The following CEP63 variants were observed in gnomAD, a reference collection of about 807,000 sequenced individuals.
CEP63 encodes the protein centrosomal protein 63.
In CEP63, 84 loss-of-function variants were observed where a neutral mutation model predicts 89.1. The observed-to-expected ratio is 0.94, with a 90% CI of 0.79 to 1.13. The LOEUF (loss-of-function observed/expected upper bound fraction) is 1.13. Ranked by LOEUF, CEP63 falls within the 50% of genes most tolerant of loss-of-function variation. The pLI is 0.00. For missense variants in CEP63, 838 were observed against 813.3 expected (o/e 1.03, Z -0.37); for synonymous variants, 267 against 272.5 (o/e 0.98, Z 0.20).
chr3:134,537,251 C>T lies in CEP63; in HGVS notation c.538C>T (p.Gln180Ter), dbSNP rs771949417. The T allele has an allele frequency of 2.5e-6, 4 of 1,608,612 alleles. No homozygotes were observed. The highest frequency in any genetic ancestry group is 3.4e-6 in the Non-Finnish European group (4 of 1,174,950). The change falls in exon 6 of 15, where the codon CAA (glutamine) becomes TAA (stop). Residue 180 changes from glutamine (Q) to a stop codon, truncating the protein, a stop_gained. Transcript: ENST00000675561. LOFTEE classifies it high-confidence loss of function. ...GGCACAAAGGAAGGCTCTGGCTGAA[C>T]AATCAGAGATAATTCAGGTAGGCCT... The part of the protein sequence containing the change: ...LEAQRKALAE[Q>*]SEIIQAQLVN...
chr3:134,673,793 C>A, the CEP63 span, among the ~76,000 whole-genome samples: 3 of 152,194 alleles, frequency 2.0e-5, no homozygotes, highest in Non-Finnish European at 4.4e-5. Context: ...TGCACAGGCA[C>A]ACCATTCTCT....
chr3:134,723,451 G>A, the CEP63 span, among the ~76,000 whole-genome samples: 3 of 152,196 alleles, frequency 2.0e-5, no homozygotes, highest in Admixed American at 1.3e-4. Context: ...CGATTCTGCA[G>A]CACAATACTA....
At chr3:134,710,531 A>G in the CEP63 span, among the ~76,000 whole-genome samples, 1 of 152,176 alleles carries the variant, frequency 6.6e-6, no homozygotes, top group Non-Finnish European at 1.5e-5. Flanking sequence ...TAGTTGAACA[A>G]TTCAAACAGT....
chr3:134,565,103 A>T, downstream of CEP63: 1 of 325,690 alleles, frequency 3.1e-6, no homozygotes. Flanking sequence ...AGATGAAAAG[A>T]TTAGGGATTT....
At chr3:134,687,131 C>A in the CEP63 span, among the ~76,000 whole-genome samples, 1 of 152,272 alleles carries the variant, frequency 6.6e-6, no homozygotes, top group East Asian at 1.9e-4. Context: ...TCAGAGAGGT[C>A]AAGCAGCTCA....
At chr3:134,729,228 G>A in the CEP63 span, among the ~76,000 whole-genome samples, 16 of 152,106 alleles carry the variant, frequency 1.1e-4, no homozygotes, top group African/African-American at 3.6e-4. Flanking sequence ...CATTTTGCTA[G>A]CAACAACTCC....
At chr3:134,603,886 T>C in the CEP63 span, 2 of 1,613,972 alleles carry the variant, frequency 1.2e-6, no homozygotes, top group Non-Finnish European at 8.5e-7. Context: ...CACCTTGGTG[T>C]TGGCACAGCA....
chr3:134,515,424 T>A (rs969820761), intron 3 of CEP63, among the ~76,000 whole-genome samples: 9 of 152,202 alleles, frequency 5.9e-5, no homozygotes, highest in African/African-American at 2.2e-4. Context: ...TTATTTAATG[T>A]TTATAGAAAT....
At chr3:134,627,921 T>C in the CEP63 span, 1 of 833,288 alleles carries the variant, frequency 1.2e-6, no homozygotes, top group South Asian at 1.4e-5. Flanking sequence ...ACCCCTCCTC[T>C]TTACTCTCCT....
chr3:134,612,478 G>T, the CEP63 span, among the ~76,000 whole-genome samples: 4 of 152,128 alleles, frequency 2.6e-5, no homozygotes, highest in African/African-American at 4.8e-5. Flanking sequence ...GGCTGAGGGG[G>T]TTGTTCTCAG....
chr3:134,782,498 C>T, the CEP63 span, among the ~76,000 whole-genome samples: 26 of 152,134 alleles, frequency 1.7e-4, no homozygotes, highest in African/African-American at 2.6e-4. Context: ...TTACTCTATC[C>T]GTATGCCCTC....
chr3:134,538,565 A>T lies in CEP63; in HGVS notation c.555+1297A>T, dbSNP rs181181962. Among the ~76,000 whole-genome samples, 869 of 138,240 alleles carry T rather than the reference A, an allele frequency of 6.3e-3. 16 individuals carry two copies. The highest frequency in any genetic ancestry group is 9.4e-3 in the Non-Finnish European group (594 of 63,474). The allele number at this position is 138,240 out of a possible 152,430, so 90.7% of individuals were successfully genotyped here. On this transcript the variant is annotated intron_variant, in intron 6 of 14. Transcript: ENST00000675561. ...TATATATATATATATGTATATATAT[A>T]TTTTTTTAACAACAAAAAATTTTTT... is the stretch of plus-strand genomic sequence containing the variant.
chr3:134,507,107 A>G lies in CEP63; in HGVS notation c.45-2A>G. ...TTTTTAATGATCTGTTCTTCTTTATAGGGGATTTTTGACATCTTGTGAAGC... is the reference window on the plus strand; with the variant it reads ...TTTTTAATGATCTGTTCTTCTTTATGGGGGATTTTTGACATCTTGTGAAGC... On this transcript the variant is annotated splice_acceptor_variant, in intron 2 of 14. Coordinates refer to ENST00000675561, the MANE Select transcript of CEP63 (RefSeq NM_001353108.3). LOFTEE classifies it high-confidence loss of function. 3 of 1,612,564 alleles carry G rather than the reference A, an allele frequency of 1.9e-6. No homozygotes were observed. Among genetic ancestry groups the G allele is most frequent in the Non-Finnish European group, 2.5e-6 (3 of 1,178,872 alleles).
intron 9 of CEP63, among the ~76,000 whole-genome samples, chr3:134,547,703 C>T (rs775174419): frequency 1.1e-4 from 16 of 146,502 alleles, no homozygotes; most frequent in Non-Finnish European, 3.0e-5. Flanking sequence ...CTCCGCCTCC[C>T]GGTTCAATTG....
the CEP63 span, among the ~76,000 whole-genome samples, chr3:134,760,086 T>G: frequency 7.3e-6 from 1 of 136,792 alleles, no homozygotes; most frequent in Admixed American, 8.0e-5. Context: ...TGAGACGGAG[T>G]CTCGCTCTGT....
chr3:134,625,061 C>T, the CEP63 span: 9 of 1,596,814 alleles, frequency 5.6e-6, no homozygotes, highest in South Asian at 4.6e-5. Flanking sequence ...ACCTGTGAGG[C>T]GTAGATATCC....
the CEP63 span, chr3:134,625,121 G>C: frequency 5.6e-6 from 9 of 1,598,622 alleles, no homozygotes; most frequent in Non-Finnish European, 7.7e-6. Flanking sequence ...AGGCTAGATC[G>C]ATCCCAGGGG....
intron 2 of CEP63, among the ~76,000 whole-genome samples, chr3:134,497,191 T>G (rs988181055): frequency 4.6e-5 from 7 of 152,226 alleles, no homozygotes; most frequent in African/African-American, 1.7e-4. Context: ...ATGAATAGTT[T>G]GCAAATATTT....
At chr3:134,578,101 A>G (rs1958255458), downstream of CEP63, among the ~76,000 whole-genome samples, 1 of 152,164 alleles carries the variant, frequency 6.6e-6, no homozygotes, top group South Asian at 2.1e-4. Context: ...GTGTCTTTAT[A>G]GTAGAATGAT....
Sources: gnomAD v4.1 joint callset for allele counts (sites outside exome capture counted in the v4.1 genomes callset) on GRCh38, gnomAD v4.1.1 for gene constraint, MANE v1.5 for transcripts, NCBI Gene and HGNC (gene_info 2026-07-23, HGNC 2026-07-21) for gene names.